The following VWF variants were observed in gnomAD, a reference collection of about 807,000 sequenced individuals.
The protein encoded by VWF is Factor VIII related antigen.
In VWF, 176 loss-of-function variants were observed where a neutral mutation model predicts 308.6. The observed-to-expected ratio is 0.57, with a 90% CI of 0.50 to 0.65. The LOEUF (loss-of-function observed/expected upper bound fraction) is 0.65, where lower values mean the gene tolerates loss of function less well. Among genes scored for constraint, VWF ranks in the 30% least tolerant of loss-of-function variants. VWF has a pLI of 0.00. For synonymous variants in VWF, 1,385 were observed against 1,443.4 expected, an observed-to-expected ratio of 0.96 and a Z score of 0.92; for missense variants, 3,146 against 3,648.2, an observed-to-expected ratio of 0.86 and a Z score of 3.55.
chr12:6,103,411 C>CACACGTGTGTGTAT lies in VWF; in HGVS notation c.532+6949_532+6962dup, dbSNP rs1162620676. Among the ~76,000 whole-genome samples, 12 of 99,580 alleles carry CACACGTGTGTGTAT rather than the reference C, an allele frequency of 1.2e-4. 1 individual carries two copies. The highest frequency in any genetic ancestry group is 4.4e-4 in the African/African-American group (3 of 6,792). 65.3% of individuals were successfully genotyped at this position (99,580 alleles called of 152,430 possible). ...GTGTGTGTATACACGTGTGTGTATA[C>CACACGTGTGTGTAT]ACACGTGTGTGTATACACACGTGTG... On this transcript the variant is annotated intron_variant, in intron 5 of 51. Coordinates refer to ENST00000261405, the MANE Select transcript of VWF (RefSeq NM_000552.5).
intron 20 of VWF, among the ~76,000 whole-genome samples, chr12:6,034,144 G>C (rs1357454371): frequency 1.3e-5 from 2 of 152,052 alleles, no homozygotes; most frequent in South Asian, 2.1e-4. Context: ...ATTCTGAATT[G>C]TACCAAGTTA....
intron 20 of VWF, among the ~76,000 whole-genome samples, chr12:6,033,465 C>T (rs1051662159): frequency 4.6e-5 from 7 of 152,238 alleles, no homozygotes; most frequent in Admixed American, 4.6e-4. Context: ...GTCCTTGCTG[C>T]ACTGAATTAA....
intron 36 of VWF, 57 bp downstream of exon 36, chr12:5,994,358 A>C (rs1943782773): frequency 6.2e-7 from 1 of 1,606,524 alleles, no homozygotes; most frequent in South Asian, 1.1e-5. Flanking sequence ...GAGTAGAGCA[A>C]GTAAGGTTTA....
In VWF at chr12:5,994,075, C is replaced by T. The variant is rs61750617; in HGVS notation, c.6385G>A (p.Glu2129Lys). 12 of 1,614,194 alleles carry T rather than the reference C, an allele frequency of 7.4e-6. No individual in the cohort carries two copies. The East Asian group carries it at 2.5e-4, about 33-fold the overall frequency. Residue 2129 changes from glutamate (E) to lysine (K), a missense_variant, in exon 37 of 52, where the codon GAG (glutamate) becomes AAG (lysine). By Grantham distance (56) the Glu-to-Lys change is moderately conservative. Around this residue, in one of 3 missense-constraint regions of VWF, gnomAD observed 989 missense variants for 1,117.4 expected, o/e 0.89. Transcript: ENST00000261405. ...PGQTCQPILEEQCLVPDSSHC... is the reference protein window; with the variant it reads ...PGQTCQPILEKQCLVPDSSHC... The stretch of plus-strand genomic sequence containing the variant: ...GAGCTGTCGGGGACAAGACACTGCT[C>T]CTCCAGGATGGGCTGGCACGTCTGC...
chr12:6,111,304 G>C (rs1036339472), intron 3 of VWF, among the ~76,000 whole-genome samples: 2 of 152,182 alleles, frequency 1.3e-5, no homozygotes, highest in East Asian at 1.9e-4. Flanking sequence ...TATATTGTAA[G>C]GCAGCAAACA....
intron 4 of VWF, 73 bp downstream of exon 4, chr12:6,110,793 C>T (rs1945299690): frequency 2.0e-6 from 3 of 1,510,664 alleles, no homozygotes; most frequent in Middle Eastern, 1.7e-4. Context: ...GCCCCAGCTT[C>T]CTCATCTAAA....
chr12:6,104,602 CAGG>C (rs1193076663), intron 5 of VWF, among the ~76,000 whole-genome samples: 1 of 151,800 alleles, frequency 6.6e-6, no homozygotes, highest in African/African-American at 2.4e-5. Flanking sequence ...GAGTCTGAGG[CAGG>C]AGAATTGCTT....
At chr12:6,028,434 G>C (rs187659156) in intron 22 of VWF, among the ~76,000 whole-genome samples, 1 of 152,082 alleles carries the variant, frequency 6.6e-6, no homozygotes, top group African/African-American at 2.4e-5. Context: ...TCCTCAAGAA[G>C]AGCAACCCCA....
Position 6,123,220 on chromosome 12 carries a change from G to A in VWF, c.1-24C>T, listed in dbSNP as rs115056743. ...ATCTGCAAAGAAGCAAGAGACGTGA[G>A]CTGGTCATTGCTGCCCAGGTAGGCG... is the stretch of plus-strand genomic sequence containing the variant. On this transcript the variant is annotated intron_variant, in intron 1 of 51. Coordinates refer to ENST00000261405, the MANE Select transcript of VWF (RefSeq NM_000552.5). The A allele has an allele frequency of 4.6e-5, 74 of 1,614,164 alleles. No individual in the cohort carries two copies. In the African/African-American group the frequency reaches 9.3e-4, roughly 20 times the overall value.
chr12:5,975,100 C>T lies in VWF; in HGVS notation c.7437+1011G>A, dbSNP rs181700708. On this transcript the variant is annotated intron_variant, in intron 43 of 51. Transcript: ENST00000261405. ...CCACAGGAACACCTGGATACCACAG[C>T]GTCATCCTCTCCCAAAGGTACTGAG... Among the ~76,000 whole-genome samples the T allele has an allele frequency of 8.1e-4, 124 of 152,332 alleles. 1 individual carries two copies. Among genetic ancestry groups the T allele is most frequent in the African/African-American group, 2.7e-3 (111 of 41,570 alleles).
At position 6,046,237 on chromosome 12, in the gene VWF, C is replaced by T. The variant is rs1027899591; in HGVS notation, c.2281+486G>A. Among the ~76,000 whole-genome samples, 2 of 151,990 alleles carry T rather than the reference C, an allele frequency of 1.3e-5. No homozygotes were observed. Among genetic ancestry groups the T allele is most frequent in the Non-Finnish European group, 2.9e-5 (2 of 67,988 alleles). On this transcript the variant is annotated intron_variant, in intron 17 of 51. Coordinates refer to ENST00000261405, the MANE Select transcript of VWF (RefSeq NM_000552.5). The surrounding 1 kb of genome is among the most constrained non-coding windows in gnomAD (Gnocchi z 5.0). ...AGACTCTCAAAAAAAAAAGACAGTGCAGCCACCGTTAGGACCTTCGAATGG... is the reference window on the plus strand; with the variant it reads ...AGACTCTCAAAAAAAAAAGACAGTGTAGCCACCGTTAGGACCTTCGAATGG...
chr12:5,970,770 A>G (rs538383230), intron 44 of VWF, among the ~76,000 whole-genome samples: 104 of 152,324 alleles, frequency 6.8e-4, no homozygotes, highest in African/African-American at 2.4e-3. Context: ...AGGGAAGCGC[A>G]TTGGTCTTGC....
At chr12:6,118,655 G>A (rs1945396174) in intron 3 of VWF, among the ~76,000 whole-genome samples, 1 of 152,018 alleles carries the variant, frequency 6.6e-6, no homozygotes, top group Non-Finnish European at 1.5e-5. Flanking sequence ...CCAAAGTGCT[G>A]GGACTGCAAG....
intron 34 of VWF, among the ~76,000 whole-genome samples, chr12:5,997,060 G>A (rs1261826832): frequency 6.6e-6 from 1 of 152,094 alleles, no homozygotes; most frequent in East Asian, 1.9e-4. Flanking sequence ...GTGGAGCAGG[G>A]AGGCCCCACT....
rs1335972884 is a variant in VWF at position 6,110,940 on chromosome 12, G to A, written c.249C>T (p.Ser83=). 2 of 1,613,958 alleles carry A rather than the reference G, an allele frequency of 1.2e-6. No individual in the cohort carries two copies. Among genetic ancestry groups the A allele is most frequent in the Non-Finnish European group, 1.7e-6 (2 of 1,180,016 alleles). Residue 83 remains serine, a synonymous_variant, in exon 4 of 52, where the codon AGC becomes AGT. Coordinates refer to ENST00000261405, the MANE Select transcript of VWF (RefSeq NM_000552.5). ...IGDFQNGKRV[S]LSVYLGEFFD... is the part of the protein sequence containing the mutation. ...AAAATTCCCCAAGATACACGGAGAG[G>A]CTCACTCTCTTGCCATTCTGGAAGT...
intron 5 of VWF, among the ~76,000 whole-genome samples, chr12:6,096,159 G>A (rs769674076): frequency 1.3e-5 from 2 of 151,778 alleles, no homozygotes; most frequent in South Asian, 2.1e-4. Flanking sequence ...ATGGATGGAC[G>A]GTTACAATTA....
chr12:6,011,364 C>A (rs1454994906), intron 34 of VWF, among the ~76,000 whole-genome samples: 2 of 152,238 alleles, frequency 1.3e-5, no homozygotes, highest in African/African-American at 4.8e-5. Context: ...AGCAATTCTT[C>A]CTTCCAGTTA....
At chr12:5,974,890 G>A (rs1197490457) in intron 43 of VWF, among the ~76,000 whole-genome samples, 3 of 152,150 alleles carry the variant, frequency 2.0e-5, no homozygotes, top group African/African-American at 7.2e-5. Flanking sequence ...ATTGTAGCTA[G>A]CCTGAATGGG....
chr12:5,993,774 A>T, intron 37 of VWF, 88 bp downstream of exon 37: 1 of 1,219,982 alleles, frequency 8.2e-7, no homozygotes, highest in Non-Finnish European at 1.2e-6. Context: ...CATCCTTATT[A>T]GCCAGATAAA....
Sources: allele counts gnomAD v4.1 joint callset (sites outside exome capture counted in the v4.1 genomes callset), GRCh38; gene constraint gnomAD v4.1.1; regional missense constraint gnomAD v4.1.1; non-coding constraint Gnocchi (gnomAD v3.1); transcripts MANE v1.5; gene names NCBI Gene and HGNC (gene_info 2026-07-23, HGNC 2026-07-21).